Variants in PARG observed in about 807,000 individuals in gnomAD.
PARG encodes mitochondrial poly(ADP-ribose) glycohydrolase.
A neutral mutation model predicts 113.0 loss-of-function variants in PARG; 35 were observed. The observed-to-expected ratio is 0.31, with a 90% CI of 0.24 to 0.41. The LOEUF is 0.41. PARG is among the 10% of genes least tolerant of loss of function. The pLI is 1.00. For synonymous variants in PARG, 330 were observed against 409.9 expected, an observed-to-expected ratio of 0.81 and a Z score of 2.36; for missense variants, 797 against 1,169.4, an observed-to-expected ratio of 0.68 and a Z score of 4.64.
intron 10 of PARG, among the ~76,000 whole-genome samples, chr10:49,869,220 G>C (rs1308042154): frequency 2.8e-4 from 42 of 152,046 alleles, no homozygotes; most frequent in Non-Finnish European, 2.6e-4. Flanking sequence ...AAAATCTTTT[G>C]ATGTATATTA....
At chr10:49,843,396 G>C (rs548257570) in intron 14 of PARG, among the ~76,000 whole-genome samples, 158 bp downstream of exon 14, 1 of 152,142 alleles carries the variant, frequency 6.6e-6, no homozygotes, top group Non-Finnish European at 1.5e-5. Flanking sequence ...TGGTAATAGT[G>C]TTTTCAATGC....
Position 49,915,378 on chromosome 10 carries a change from TGA to T in PARG, c.1737+537_1737+538del, listed in dbSNP as rs1564653898. The stretch of plus-strand genomic sequence containing the variant: ...AAGACTCTCTCTGCTAATGGTACTA[TGA>T]AAGTGATATTCTTATCCACTACTGG... On this transcript the variant is annotated intron_variant, in intron 7 of 17. Coordinates refer to ENST00000616448, the MANE Select transcript of PARG (RefSeq NM_003631.5). Among the ~76,000 whole-genome samples, 6 of 152,090 alleles carry T rather than the reference TGA, an allele frequency of 3.9e-5. No individual in the cohort carries two copies. The East Asian group carries it at 1.2e-3, about 29-fold the overall frequency.
rs1210263435 is a variant in PARG, at chr10:49,936,328, T to C, written c.218-1186A>G. Among the ~76,000 whole-genome samples, 6 of 152,206 alleles carry C rather than the reference T, an allele frequency of 3.9e-5. No individual in the cohort carries two copies. In the South Asian group the frequency reaches 6.2e-4, roughly 16 times the overall value. On this transcript the variant is annotated intron_variant, in intron 1 of 17. Transcript: ENST00000616448. ...AAATGATGACAGCCTTAAGTAGAAA[T>C]ATGGAATACAAGAGAATTGTGTTTA...
chr10:49,939,267 C>T (rs1180074531), intron 1 of PARG, among the ~76,000 whole-genome samples: 6 of 152,286 alleles, frequency 3.9e-5, no homozygotes, highest in African/African-American at 1.4e-4. Context: ...AAACACATCG[C>T]TTACTAGACA....
chr10:49,914,882 C>T (rs1837382179), intron 7 of PARG, among the ~76,000 whole-genome samples: 1 of 152,140 alleles, frequency 6.6e-6, no homozygotes, highest in Non-Finnish European at 1.5e-5. Flanking sequence ...TTGTTATCCA[C>T]ATGCAAAATA....
At chr10:49,870,647 T>C (rs1332478444) in intron 9 of PARG, among the ~76,000 whole-genome samples, 251 of 152,070 alleles carry the variant, frequency 1.7e-3, no homozygotes, top group Non-Finnish European at 2.9e-3. Flanking sequence ...CACTAAAAGA[T>C]TTCTAACACA....
intron 7 of PARG, among the ~76,000 whole-genome samples, chr10:49,903,937 A>G (rs1387408444): frequency 4.6e-5 from 7 of 152,206 alleles, no homozygotes; most frequent in Admixed American, 2.0e-4. Context: ...AGCAGCATGA[A>G]GGATGGATTT....
chr10:49,929,750 C>T (rs1456246882), intron 4 of PARG, among the ~76,000 whole-genome samples: 4 of 150,436 alleles, frequency 2.7e-5, no homozygotes, highest in Non-Finnish European at 5.9e-5. Context: ...TGCTTGAACC[C>T]GGGAGGTGGA....
At chr10:49,856,659 C>T (rs562164398) in intron 13 of PARG, among the ~76,000 whole-genome samples, 1 of 152,186 alleles carries the variant, frequency 6.6e-6, no homozygotes, top group African/African-American at 2.4e-5. Context: ...AGAATTACAA[C>T]AGAATACATA....
rs1839087717 is a variant in PARG at position 49,941,686 on chromosome 10, G to A, written c.40C>T (p.Pro14Ser). The change falls in exon 1 of 18, where the codon CCC becomes TCC. Residue 14 changes from proline to serine, a missense_variant. Coordinates refer to ENST00000616448, the MANE Select transcript of PARG (RefSeq NM_003631.5). ...GPGCEPCTKR[P>S]RWGAATTSPA... ...GAAGTTGTAGCGGCGCCCCAGCGGG[G>A]TCGCTTGGTGCAGGGTTCACAGCCG... 2.5e-6 allele frequency: 4 copies of A among 1,592,162 alleles called. No homozygotes were observed. Among genetic ancestry groups the A allele is most frequent in the African/African-American group, 2.7e-5 (2 of 74,416 alleles).
chr10:49,841,161 G>A (rs1428528166), intron 15 of PARG, among the ~76,000 whole-genome samples: 1 of 152,000 alleles, frequency 6.6e-6, no homozygotes, highest in Non-Finnish European at 1.5e-5. Flanking sequence ...GCTGAGGCAG[G>A]AGAATCGCTT....
At chr10:49,900,985 T>C (rs1177320382) in intron 7 of PARG, among the ~76,000 whole-genome samples, 1 of 152,144 alleles carries the variant, frequency 6.6e-6, no homozygotes, top group African/African-American at 2.4e-5. Context: ...AGAAGTAAAA[T>C]GGATGTAATT....
intron 1 of PARG, among the ~76,000 whole-genome samples, chr10:49,939,511 T>G (rs1838915066): frequency 6.6e-6 from 1 of 152,268 alleles, no homozygotes; most frequent in African/African-American, 2.4e-5. Context: ...AAATTTATGC[T>G]GTGGGTTGCA....
chr10:49,842,184 G>A, intron 14 of PARG, 126 bp from the exon 15 acceptor site: 1 of 653,104 alleles, frequency 1.5e-6, no homozygotes, highest in South Asian at 1.8e-5. Flanking sequence ...AGTGTCTGCA[G>A]GTCTGAGCAA....
chr10:49,819,228 G>T lies in PARG; in HGVS notation c.*112C>A. The T allele has an allele frequency of 1.2e-6, 1 of 855,040 alleles. No homozygotes were observed. The highest frequency in any genetic ancestry group is 1.8e-6 in the Non-Finnish European group (1 of 559,570). 53.0% of individuals were successfully genotyped at this position (855,040 alleles called of 1,614,324 possible). A position where few individuals can be genotyped will look rare whatever the true frequency, so the allele number is the denominator to read the frequency against. On this transcript the variant is annotated 3_prime_UTR_variant, in exon 18 of 18. Coordinates refer to ENST00000616448, the MANE Select transcript of PARG (RefSeq NM_003631.5). ...AGAGATTGCGTCCTTGACTACAAAT[G>T]TGGATTATGTACACATTTATATTAA...
chr10:49,848,297 T>C (rs1845604852), intron 13 of PARG, among the ~76,000 whole-genome samples: 1 of 149,130 alleles, frequency 6.7e-6, no homozygotes. Flanking sequence ...TGCAGTAAGC[T>C]GAGATTGCGC....
At chr10:49,936,410 G>A (rs1166755159) in intron 1 of PARG, among the ~76,000 whole-genome samples, 6 of 152,110 alleles carry the variant, frequency 3.9e-5, no homozygotes, top group Non-Finnish European at 4.4e-5. Flanking sequence ...TGCCAAAGAA[G>A]TAACTAGATA....
At chr10:49,834,717 G>A (rs934801195) in intron 15 of PARG, among the ~76,000 whole-genome samples, 1 of 152,038 alleles carries the variant, frequency 6.6e-6, no homozygotes, top group Non-Finnish European at 1.5e-5. Context: ...GGCAAGACCT[G>A]TGGTGTCACC....
chr10:49,887,076 G>T (rs1847530902), intron 7 of PARG, among the ~76,000 whole-genome samples: 1 of 149,380 alleles, frequency 6.7e-6, no homozygotes, highest in South Asian at 2.1e-4. Flanking sequence ...TAGAAACAGG[G>T]TCTTGCTCTG....
Sources: allele counts gnomAD v4.1 joint callset (sites outside exome capture counted in the v4.1 genomes callset), GRCh38; gene constraint gnomAD v4.1.1; transcripts MANE v1.5; gene names NCBI Gene and HGNC (gene_info 2026-07-23, HGNC 2026-07-21).